Variants in CDH18 observed in about 807,000 individuals in gnomAD.
CDH18 encodes the protein cadherin 18.
Under a neutral mutation model 67.9 loss-of-function variants are expected in CDH18, and 31 were observed. The ratio of observed to expected loss-of-function variants is 0.46; its 90% CI spans 0.34 to 0.62. CDH18 has a LOEUF of 0.62. Ranked by LOEUF, CDH18 falls within the 20% of genes least tolerant of loss-of-function variation. The pLI, the probability that CDH18 is intolerant of heterozygous loss-of-function variation, is 0.01. For synonymous variants in CDH18, 362 were observed against 347.2 expected (o/e 1.04, Z -0.48); for missense variants, 890 against 975.5 (o/e 0.91, Z 1.17).
intron 5 of CDH18, among the ~76,000 whole-genome samples, chr5:19,660,115 T>C (rs1756956546): frequency 6.6e-6 from 1 of 152,158 alleles, no homozygotes; most frequent in Admixed American, 6.6e-5. Flanking sequence ...AGAATACGTG[T>C]ATGTTCAACT....
intron 1 of CDH18, among the ~76,000 whole-genome samples, chr5:20,545,330 A>T (rs1241792954): frequency 1.3e-5 from 2 of 152,172 alleles, no homozygotes; most frequent in East Asian, 3.9e-4. Context: ...TCCACTAGGC[A>T]ATGCCCCAGT....
intron 2 of CDH18, among the ~76,000 whole-genome samples, chr5:20,078,926 T>C (rs1478378987): frequency 2.0e-5 from 3 of 152,302 alleles, no homozygotes; most frequent in Non-Finnish European, 4.4e-5. Context: ...CCTTTTAGTA[T>C]AATTTTATTT....
chr5:19,912,873 T>C (rs983120566), intron 2 of CDH18, among the ~76,000 whole-genome samples: 1 of 152,094 alleles, frequency 6.6e-6, no homozygotes, highest in East Asian at 1.9e-4. Flanking sequence ...AAAGCAAAGA[T>C]AGGACACTGA....
At chr5:19,958,672 T>C (rs1168779247) in intron 2 of CDH18, among the ~76,000 whole-genome samples, 2 of 152,062 alleles carry the variant, frequency 1.3e-5, no homozygotes, top group Non-Finnish European at 2.9e-5. Context: ...AGTGTCAGCC[T>C]GGGAAGCCCC....
rs143116697 is a variant in CDH18 at position 19,805,804 on chromosome 5, C to T, written c.228+32955G>A. ...TATTTCCTTCTCTCAATTTCTTCTA[C>T]AATTGTCAAATTCCTGTCTAGATTT... On this transcript the variant is annotated intron_variant, in intron 3 of 12. Coordinates refer to ENST00000382275, the MANE Select transcript of CDH18 (RefSeq NM_004934.5). Among the ~76,000 whole-genome samples the T allele has an allele frequency of 9.0e-4, 137 of 152,212 alleles. 2 individuals carry two copies. In the East Asian group the frequency reaches 0.023, roughly 26 times the overall value.
At chr5:20,033,981 C>T (rs777238787) in intron 2 of CDH18, among the ~76,000 whole-genome samples, 1 of 151,926 alleles carries the variant, frequency 6.6e-6, no homozygotes, top group Non-Finnish European at 1.5e-5. Flanking sequence ...AAACCTCATA[C>T]AAGAATGACA....
At chr5:20,086,808 C>T (rs1485908753) in intron 2 of CDH18, among the ~76,000 whole-genome samples, 1 of 152,160 alleles carries the variant, frequency 6.6e-6, no homozygotes, top group Non-Finnish European at 1.5e-5. Context: ...GGTACCTGGT[C>T]ACCCAAGAGC....
chr5:20,386,801 A>G (rs1434584439), intron 1 of CDH18, among the ~76,000 whole-genome samples: 1 of 152,100 alleles, frequency 6.6e-6, no homozygotes, highest in Non-Finnish European at 1.5e-5. Flanking sequence ...AGTTATCCCA[A>G]TAATTATTTT....
At chr5:19,977,069 G>A (rs1395434945) in intron 2 of CDH18, among the ~76,000 whole-genome samples, 1 of 152,174 alleles carries the variant, frequency 6.6e-6, no homozygotes, top group African/African-American at 2.4e-5. Context: ...TTTCAACTCA[G>A]TGGGATTGAA....
intron 1 of CDH18, among the ~76,000 whole-genome samples, chr5:20,507,315 G>A (rs1309041879): frequency 2.6e-5 from 4 of 152,152 alleles, no homozygotes; most frequent in Non-Finnish European, 4.4e-5. Flanking sequence ...GAGACAATGT[G>A]TACATCCCCA....
intron 1 of CDH18, among the ~76,000 whole-genome samples, chr5:20,444,589 A>T (rs1052159668): frequency 8.5e-5 from 13 of 152,160 alleles, no homozygotes; most frequent in Admixed American, 7.2e-4. Flanking sequence ...GTTATTTTAG[A>T]TTGGCTAATC....
chr5:20,104,996 T>A lies in CDH18; in HGVS notation c.-517-112982A>T, dbSNP rs7702262. On this transcript the variant is annotated intron_variant, in intron 2 of 14. Coordinates refer to the CDH18 transcript ENST00000507958. ...ACAATAGAAATTGTTTATAATTTTA[T>A]TTTTTTTTTGAGACAGAATTTCTCT... Among the ~76,000 whole-genome samples the A allele has an allele frequency of 5.5e-3, 817 of 147,656 alleles. 8 individuals are homozygous for A. The highest frequency in any genetic ancestry group is 0.02 in the African/African-American group (758 of 38,746).
intron 9 of CDH18, among the ~76,000 whole-genome samples, chr5:19,528,372 ATTCT>A (rs1561273549): frequency 6.6e-6 from 1 of 151,688 alleles, no homozygotes; most frequent in Admixed American, 6.6e-5. Flanking sequence ...TTATAAGTTT[ATTCT>A]TTCTTTTTCT....
chr5:20,293,374 T>C (rs577503525), intron 1 of CDH18, among the ~76,000 whole-genome samples: 10 of 151,988 alleles, frequency 6.6e-5, no homozygotes, highest in Admixed American at 5.9e-4. Context: ...GTGGAATGGA[T>C]AAGAGACAAT....
intron 2 of CDH18, among the ~76,000 whole-genome samples, chr5:19,915,496 A>ACAGC (rs1791664291): frequency 6.6e-6 from 1 of 152,106 alleles, no homozygotes; most frequent in African/African-American, 2.4e-5. Context: ...ACATTTTCGA[A>ACAGC]CAGCCTACTG....
intron 4 of CDH18, among the ~76,000 whole-genome samples, chr5:19,739,039 G>A (rs1236467465): frequency 3.3e-5 from 5 of 151,988 alleles, no homozygotes; most frequent in East Asian, 1.9e-4. Flanking sequence ...TTACAACAAC[G>A]AAGTTAAAGA....
intron 6 of CDH18, among the ~76,000 whole-genome samples, chr5:19,592,318 T>C (rs1378755939): frequency 6.6e-6 from 1 of 152,056 alleles, no homozygotes; most frequent in Non-Finnish European, 1.5e-5. Context: ...AAATGTCGAA[T>C]GGAACCGTTT....
chr5:19,823,399 T>C (rs1441665296), intron 3 of CDH18, among the ~76,000 whole-genome samples: 2 of 152,224 alleles, frequency 1.3e-5, no homozygotes, highest in African/African-American at 2.4e-5. Flanking sequence ...TAAGAAATTA[T>C]AAAAGTATTA....
At chr5:20,277,096 G>A (rs371779382) in intron 1 of CDH18, among the ~76,000 whole-genome samples, 2 of 152,142 alleles carry the variant, frequency 1.3e-5, no homozygotes. Flanking sequence ...TAAAGAGAAG[G>A]ACAAAAGCGA....
Sources: gnomAD v4.1 joint callset for allele counts (sites outside exome capture counted in the v4.1 genomes callset) on GRCh38, gnomAD v4.1.1 for gene constraint, MANE v1.5 for transcripts, NCBI Gene and HGNC (gene_info 2026-07-23, HGNC 2026-07-21) for gene names.